MIGA1: variants seen among roughly 807,000 people sequenced by gnomAD.
MIGA1 encodes mitoguardin 1.
In MIGA1, 58 loss-of-function variants were observed where a neutral mutation model predicts 82.0. The observed-to-expected ratio is 0.71, with a 90% confidence interval of 0.57 to 0.88. The LOEUF is 0.88. Ranked by LOEUF, MIGA1 falls within the 40% of genes least tolerant of loss-of-function variation. The pLI, the probability that MIGA1 is intolerant of heterozygous loss-of-function variation, is 0.00. For missense variants in MIGA1, 751 were observed against 749.1 expected (o/e 1.00, Z -0.03); for synonymous variants, 249 against 253.6 (o/e 0.98, Z 0.17).
At chr1:77,830,074 C>G (rs1352513111) in intron 7 of MIGA1, among the ~76,000 whole-genome samples, 1 of 152,114 alleles carries the variant, frequency 6.6e-6, no homozygotes, top group Non-Finnish European at 1.5e-5. Flanking sequence ...TGAGACTTGT[C>G]ATGACTATTC....
At chr1:77,816,051 C>G (rs1369939732) in intron 7 of MIGA1, among the ~76,000 whole-genome samples, 2 of 152,186 alleles carry the variant, frequency 1.3e-5, no homozygotes, top group African/African-American at 4.8e-5. Context: ...TCATGCAATT[C>G]TCTTACCTCA....
intron 5 of MIGA1, among the ~76,000 whole-genome samples, chr1:77,811,970 A>AT (rs1331385169): frequency 6.6e-6 from 1 of 152,146 alleles, no homozygotes; most frequent in African/African-American, 2.4e-5. Context: ...TTCAAAAGCT[A>AT]TTTTTTGCTA....
chr1:77,861,890 C>T (rs1185124191), intron 12 of MIGA1: 1 of 152,456 alleles, frequency 6.6e-6, no homozygotes, highest in Non-Finnish European at 1.5e-5. Context: ...CCTGTAATCC[C>T]AGCACTTTGG....
intron 7 of MIGA1, among the ~76,000 whole-genome samples, chr1:77,825,449 A>C (rs1683994111): frequency 6.6e-6 from 1 of 152,204 alleles, no homozygotes; most frequent in African/African-American, 2.4e-5. Context: ...TGTTGAAATC[A>C]CTAGAGGGCA....
chr1:77,824,983 C>CTTTTTT (rs11375207), intron 7 of MIGA1, among the ~76,000 whole-genome samples: 4 of 103,138 alleles, frequency 3.9e-5, no homozygotes, highest in Admixed American at 2.6e-4. Flanking sequence ...TTCTATTCCT[C>CTTTTTT]TTTTTTTTTT....
intron 7 of MIGA1, among the ~76,000 whole-genome samples, chr1:77,831,840 G>A (rs545818638): frequency 2.7e-4 from 41 of 152,274 alleles, no homozygotes; most frequent in African/African-American, 9.9e-4. Flanking sequence ...TTAAGCCCAG[G>A]AAGTTTAGGC....
At chr1:77,789,201 CTTTTTTT>C (rs148055304) in intron 2 of MIGA1, among the ~76,000 whole-genome samples, 24 of 108,832 alleles carry the variant, frequency 2.2e-4, no homozygotes, top group Admixed American at 6.6e-4. Flanking sequence ...GGGGCGGTTG[CTTTTTTT>C]TTTTTTTTTT....
At chr1:77,844,050 A>G (rs562401508) in intron 8 of MIGA1, among the ~76,000 whole-genome samples, 2 of 148,808 alleles carry the variant, frequency 1.3e-5, no homozygotes, top group Admixed American at 6.8e-5. Context: ...GCAGTGGGCC[A>G]TGATCGTGGC....
chr1:77,865,570 G>C (rs988563361), intron 13 of MIGA1, among the ~76,000 whole-genome samples: 2 of 151,908 alleles, frequency 1.3e-5, no homozygotes, highest in South Asian at 4.1e-4. Context: ...TTCAGCCTAG[G>C]CAATGGGAGT....
chr1:77,858,890 A>G (rs1307137511), intron 8 of MIGA1, 48 bp from the exon 9 acceptor site: 1 of 1,046,774 alleles, frequency 9.6e-7, no homozygotes, highest in African/African-American at 1.6e-5. Context: ...TACAGGCATG[A>G]GCCACTGCAC....
intron 2 of MIGA1, among the ~76,000 whole-genome samples, chr1:77,790,812 T>C (rs989554403): frequency 2.4e-4 from 36 of 151,512 alleles, no homozygotes; most frequent in African/African-American, 7.8e-4. Flanking sequence ...CGTCCCAAAC[T>C]CCTGACCTCA....
At chr1:77,859,914 C>T in intron 10 of MIGA1, 126 bp from the exon 11 acceptor site, 1 of 611,996 alleles carries the variant, frequency 1.6e-6, no homozygotes, top group Non-Finnish European at 2.8e-6. Context: ...TCTCTGTGAG[C>T]TGCCTGTTGA....
At chr1:77,811,751 G>A (rs183839947) in intron 5 of MIGA1, 28,015 of 1,607,194 alleles carry the variant, frequency 0.017, 675 homozygotes, top group South Asian at 0.098. Flanking sequence ...GCGCCCCAGC[G>A]CTGCAGCAGA....
intron 2 of MIGA1, among the ~76,000 whole-genome samples, chr1:77,792,597 G>A (rs1283477301): frequency 3.3e-5 from 5 of 152,138 alleles, no homozygotes; most frequent in Non-Finnish European, 7.3e-5. Context: ...GCATTTCAAA[G>A]CTGAAATACT....
chr1:77,848,887 T>A (rs1174698044), intron 8 of MIGA1: 1 of 715,274 alleles, frequency 1.4e-6, no homozygotes, highest in African/African-American at 1.8e-5. Flanking sequence ...AGGAGTGTGT[T>A]ACCAGTAGTT....
At position 77,863,879 on chromosome 1, in the gene MIGA1, C is replaced by A; in HGVS notation, c.1375-15C>A. 1 of 1,501,586 alleles carries A rather than the reference C, an allele frequency of 6.7e-7. No homozygotes were observed. The allele number at this position is 1,501,586 out of a possible 1,614,324, so 93.0% of individuals were successfully genotyped here. ...TGTAATAATAATTTCTGTTTCAACT[C>A]ATAATTTAATGCAGGTGAAAAATCT... On this transcript the variant is annotated splice_polypyrimidine_tract_variant and intron_variant, in intron 12 of 15. Transcript: ENST00000370791.
intron 8 of MIGA1, among the ~76,000 whole-genome samples, chr1:77,844,307 A>G (rs1027953988): frequency 8.0e-4 from 121 of 151,806 alleles, no homozygotes; most frequent in African/African-American, 2.8e-3. Flanking sequence ...CATGTTTCCA[A>G]TAATTTTAAT....
At chr1:77,816,132 T>C (rs2018593) in intron 7 of MIGA1, among the ~76,000 whole-genome samples, 8,287 of 151,776 alleles carry the variant, frequency 0.055, 350 homozygotes, top group African/African-American at 0.12. Context: ...TTATTAGAGG[T>C]GGGGTTTCAC....
intron 8 of MIGA1, among the ~76,000 whole-genome samples, chr1:77,844,113 A>AAAAAAAAT (rs1296124524): frequency 2.7e-4 from 24 of 90,134 alleles, no homozygotes; most frequent in Non-Finnish European, 3.8e-4. Context: ...AAAAAAAAAA[A>AAAAAAAAT]ATATATATAT....
Sources: allele counts gnomAD v4.1 joint callset (sites outside exome capture counted in the v4.1 genomes callset), GRCh38; gene constraint gnomAD v4.1.1; transcripts MANE v1.5; gene names NCBI Gene and HGNC (gene_info 2026-07-23, HGNC 2026-07-21).